MCF2L2: variants seen among roughly 807,000 people sequenced by gnomAD.
The protein encoded by MCF2L2 is MCF.2 cell line derived transforming sequence-like 2, also known as probable guanine nucleotide exchange factor MCF2L2.
In MCF2L2, 102 loss-of-function variants were observed where a neutral mutation model predicts 150.2. The observed-to-expected ratio is 0.68, with a 90% CI of 0.58 to 0.80. MCF2L2 has a LOEUF of 0.80. Ranked by LOEUF, MCF2L2 falls within the 30% of genes least tolerant of loss-of-function variation. The pLI is 0.00. For missense variants in MCF2L2, 1,256 were observed against 1,372.8 expected (o/e 0.91, Z 1.34); for synonymous variants, 465 against 491.3 (o/e 0.95, Z 0.71).
At chr3:183,212,629 G>A (rs1174972948) in intron 22 of MCF2L2, among the ~76,000 whole-genome samples, 3 of 152,086 alleles carry the variant, frequency 2.0e-5, no homozygotes, top group African/African-American at 4.8e-5. Context: ...CTTCTTTTGG[G>A]TGCCCGTGTT....
chr3:183,250,480 G>A (rs1444738733), intron 15 of MCF2L2, among the ~76,000 whole-genome samples: 1 of 151,958 alleles, frequency 6.6e-6, no homozygotes, highest in Non-Finnish European at 1.5e-5. Context: ...CCAGCTACTC[G>A]GGAGGCTGAG....
At chr3:183,313,242 C>CAT (rs1187226067) in intron 7 of MCF2L2, among the ~76,000 whole-genome samples, 1 of 151,806 alleles carries the variant, frequency 6.6e-6, no homozygotes, top group Admixed American at 6.6e-5. Flanking sequence ...AACACACACA[C>CAT]ACACACACAC....
intron 1 of MCF2L2, among the ~76,000 whole-genome samples, chr3:183,420,489 T>C (rs929667843): frequency 5.3e-5 from 8 of 152,104 alleles, no homozygotes; most frequent in South Asian, 4.2e-4. Flanking sequence ...TCCCAGCTAA[T>C]TGGGAGGCTG....
intron 7 of MCF2L2, among the ~76,000 whole-genome samples, chr3:183,312,799 T>C (rs1026922175): frequency 2.6e-5 from 4 of 152,178 alleles, no homozygotes; most frequent in African/African-American, 9.7e-5. Flanking sequence ...TACTCCAGAA[T>C]TTCCCCTGGA....
intron 7 of MCF2L2, among the ~76,000 whole-genome samples, chr3:183,313,383 G>A (rs528998920): frequency 6.6e-6 from 1 of 152,348 alleles, no homozygotes; most frequent in East Asian, 1.9e-4. Context: ...AAGTGCGGCA[G>A]AGCATGAATG....
chr3:183,231,654 T>C (rs539438535), intron 15 of MCF2L2, among the ~76,000 whole-genome samples: 2 of 151,800 alleles, frequency 1.3e-5, no homozygotes, highest in African/African-American at 4.8e-5. Flanking sequence ...AGATGAGGTC[T>C]TGCTATGTTA....
intron 1 of MCF2L2, among the ~76,000 whole-genome samples, chr3:183,398,055 C>A (rs1045348272): frequency 1.3e-5 from 2 of 152,092 alleles, no homozygotes; most frequent in African/African-American, 4.8e-5. Flanking sequence ...AGAGGTACTG[C>A]CTAAGTTCAA....
intron 27 of MCF2L2, among the ~76,000 whole-genome samples, chr3:183,183,884 G>A (rs1721608157): frequency 6.6e-6 from 1 of 151,720 alleles, no homozygotes; most frequent in Non-Finnish European, 1.5e-5. Flanking sequence ...AACATTATAA[G>A]GATAATAAAT....
At chr3:183,190,052 CTG>C (rs1239236975) in intron 27 of MCF2L2, among the ~76,000 whole-genome samples, 1 of 152,204 alleles carries the variant, frequency 6.6e-6, no homozygotes, top group Non-Finnish European at 1.5e-5. Context: ...GATTCTGATC[CTG>C]TGTTTTAAAT....
intron 2 of MCF2L2, 34 bp from the exon 3 acceptor site, chr3:183,379,445 A>G: frequency 6.7e-7 from 1 of 1,494,362 alleles, no homozygotes; most frequent in Non-Finnish European, 9.3e-7. Flanking sequence ...AATGTTAGCA[A>G]AATGTTGTCC....
At chr3:183,349,988 AAC>A (rs1464717985) in intron 3 of MCF2L2, among the ~76,000 whole-genome samples, 2 of 152,112 alleles carry the variant, frequency 1.3e-5, no homozygotes, top group Non-Finnish European at 2.9e-5. Context: ...ATCGTTTATA[AAC>A]ACAGGCTATT....
chr3:183,341,920 T>G (rs937190231), intron 3 of MCF2L2, among the ~76,000 whole-genome samples: 1 of 152,190 alleles, frequency 6.6e-6, no homozygotes, highest in Admixed American at 6.5e-5. Context: ...CAGGTGAGCA[T>G]CACATATTCC....
At chr3:183,395,936 AAAG>A (rs1261054234) in intron 1 of MCF2L2, among the ~76,000 whole-genome samples, 13 of 95,890 alleles carry the variant, frequency 1.4e-4, no homozygotes, top group Admixed American at 5.3e-4. Context: ...AAAAAAAAAA[AAAG>A]AAAGAAAGAA....
intron 22 of MCF2L2, among the ~76,000 whole-genome samples, chr3:183,215,028 C>A (rs774330423): frequency 6.6e-6 from 1 of 151,936 alleles, no homozygotes; most frequent in Non-Finnish European, 1.5e-5. Flanking sequence ...AAGAACCCAA[C>A]CTGCCATTGC....
chr3:183,329,542 TG>T (rs1355247352), intron 5 of MCF2L2, among the ~76,000 whole-genome samples: 1 of 152,176 alleles, frequency 6.6e-6, no homozygotes, highest in Non-Finnish European at 1.5e-5. Context: ...TCTTTCCTGG[TG>T]AATGGTGAAC....
intron 1 of MCF2L2, among the ~76,000 whole-genome samples, chr3:183,406,079 T>G (rs1289626543): frequency 6.6e-6 from 1 of 152,228 alleles, no homozygotes; most frequent in Non-Finnish European, 1.5e-5. Context: ...AACAGATTTT[T>G]GAGTGACCGT....
At chr3:183,395,366 C>T (rs879597887) in intron 1 of MCF2L2, among the ~76,000 whole-genome samples, 2 of 151,946 alleles carry the variant, frequency 1.3e-5, no homozygotes, top group Admixed American at 6.6e-5. Flanking sequence ...AAAAACCAAG[C>T]GTGTGATATG....
Position 183,206,209 on chromosome 3 carries a change from C to A in MCF2L2, c.2718G>T (p.Met906Ile). The change falls in exon 24 of 30, where the codon ATG (methionine) becomes ATT (isoleucine). Residue 906 changes from methionine (M) to isoleucine (I), a missense_variant. By Grantham distance (10) the Met-to-Ile change is conservative. Transcript: ENST00000328913. ...TTCCAAGCTGGCGAATTGAAAGTGT[C>A]ATCAGCTATTATAAAGAGGGAAGAG... is the stretch of plus-strand genomic sequence containing the variant. ...HYSFKKTMKLMTLSIRQLGRG... is the reference protein window; with the variant it reads ...HYSFKKTMKLITLSIRQLGRG... The A allele has an allele frequency of 6.2e-7, 1 of 1,612,782 alleles. No individual in the cohort carries two copies. Among genetic ancestry groups the A allele is most frequent in the Non-Finnish European group, 8.5e-7 (1 of 1,178,742 alleles).
chr3:183,203,658 G>A (rs1722375786), intron 25 of MCF2L2, among the ~76,000 whole-genome samples: 1 of 152,160 alleles, frequency 6.6e-6, no homozygotes, highest in African/African-American at 2.4e-5. Flanking sequence ...GGATAAATGG[G>A]CTAAAATAAT....
Sources: allele counts gnomAD v4.1 joint callset (sites outside exome capture counted in the v4.1 genomes callset), GRCh38; gene constraint gnomAD v4.1.1; transcripts MANE v1.5; gene names NCBI Gene and HGNC (gene_info 2026-07-23, HGNC 2026-07-21).